PTPRU: variants seen among roughly 807,000 people sequenced by gnomAD.
The protein encoded by PTPRU is protein tyrosine phosphatase receptor type U, also known as receptor-type tyrosine-protein phosphatase U.
A neutral mutation model predicts 166.3 loss-of-function variants in PTPRU; 69 were observed. The observed-to-expected ratio is 0.41, with a 90% CI of 0.34 to 0.51. The LOEUF (loss-of-function observed/expected upper bound fraction) is 0.51. Ranked by LOEUF, PTPRU falls within the 20% of genes least tolerant of loss-of-function variation. The pLI is 0.09. For missense variants in PTPRU, 1,657 were observed against 2,013.7 expected (o/e 0.82, Z 3.39); for synonymous variants, 793 against 814.0 (o/e 0.97, Z 0.44).
At chr1:29,310,468 G>A (rs550950036) in intron 18 of PTPRU, among the ~76,000 whole-genome samples, 2 of 152,086 alleles carry the variant, frequency 1.3e-5, no homozygotes, top group Admixed American at 6.5e-5. Flanking sequence ...ATGGGTGGGG[G>A]GTCCCTCTAG....
At chr1:29,289,831 G>A in intron 14 of PTPRU, 1 of 1,146,318 alleles carries the variant, frequency 8.7e-7, no homozygotes, top group Non-Finnish European at 1.3e-6. Context: ...TGTCCACCCG[G>A]TTCTCTCTGG....
At chr1:29,284,933 A>G in intron 14 of PTPRU, 64 bp downstream of exon 14, 1 of 1,540,862 alleles carries the variant, frequency 6.5e-7, no homozygotes, top group Non-Finnish European at 8.8e-7. Flanking sequence ...GGTGGCACAG[A>G]GGAATAGTGG....
chr1:29,282,671 T>C lies in PTPRU; in HGVS notation c.1869-5T>C, dbSNP rs983268999. The C allele has an allele frequency of 1.2e-6, 2 of 1,611,448 alleles. No individual in the cohort carries two copies. The highest frequency in any genetic ancestry group is 1.1e-5 in the South Asian group (1 of 90,934). On this transcript the variant is annotated splice_region_variant and splice_polypyrimidine_tract_variant and intron_variant, in intron 11 of 29. Transcript: ENST00000373779. ...GATCCCCTGTACGCTCTCCTCCCTG[T>C]CCAGTGTGTACCAGGTGATTGTGGA...
chr1:29,299,415 G>A (rs868529705), intron 15 of PTPRU, among the ~76,000 whole-genome samples: 1 of 152,236 alleles, frequency 6.6e-6, no homozygotes, highest in African/African-American at 2.4e-5. Flanking sequence ...GGAACTCATA[G>A]GCAAGGAGAG....
Position 29,275,660 on chromosome 1 carries a change from C to T in PTPRU, c.1357C>T (p.Leu453=). ...QGVSRYTIKN[L]LPYRNVHVRL... is the part of the protein sequence containing the mutation. The stretch of plus-strand genomic sequence containing the variant: ...TGTCAGCCGCTACACCATCAAGAAC[C>T]TGCTGCCCTATCGGAACGTTCACGT... Residue 453 remains leucine (L), a synonymous_variant, in exon 8 of 30, where the codon CTG becomes TTG. Coordinates refer to ENST00000373779, the MANE Select transcript of PTPRU (RefSeq NM_133178.4). 4.3e-6 allele frequency: 7 copies of T among 1,614,158 alleles called. No homozygotes were observed. Among genetic ancestry groups the T allele is most frequent in the Non-Finnish European group, 5.9e-6 (7 of 1,180,022 alleles).
Position 29,260,902 on chromosome 1 carries a change from A to G in PTPRU, c.1143A>G (p.Ala381=). The G allele has an allele frequency of 1.3e-6, 2 of 1,559,020 alleles. No homozygotes were observed. Among genetic ancestry groups the G allele is most frequent in the Non-Finnish European group, 1.7e-6 (2 of 1,156,586 alleles). ...CCCTCATCAGCCGCACCAAATGCGC[A>G]GGTGGGTGCAGCAGCTACCCCTGGC... ...GPPLISRTKC[A]EPMRAPKGLA... The change falls in exon 7 of 30, where the codon GCA becomes GCG. Residue 381 remains alanine, a splice_region_variant and synonymous_variant. Coordinates refer to ENST00000373779, the MANE Select transcript of PTPRU (RefSeq NM_133178.4). The surrounding 1 kb of genome is among the most constrained non-coding windows in gnomAD (Gnocchi z 8.3).
chr1:29,305,452 C>A (rs767754237), intron 18 of PTPRU, 24 bp downstream of exon 18: 3 of 1,606,748 alleles, frequency 1.9e-6, no homozygotes, highest in Non-Finnish European at 2.6e-6. Flanking sequence ...CCTGTCATTT[C>A]TGCAGACCTG....
At chr1:29,242,020 T>G (rs1013740130) in intron 1 of PTPRU, among the ~76,000 whole-genome samples, 2 of 151,804 alleles carry the variant, frequency 1.3e-5, no homozygotes, top group Non-Finnish European at 2.9e-5. Context: ...GCCTCCCGAA[T>G]AGCTGGGATT....
rs947143213 is a variant in PTPRU, at chr1:29,311,160, T to C, written c.2858-296T>C. Among the ~76,000 whole-genome samples, 1 of 152,168 alleles carries C rather than the reference T, an allele frequency of 6.6e-6. No individual in the cohort carries two copies. The highest frequency in any genetic ancestry group is 2.4e-5 in the African/African-American group (1 of 41,432). On this transcript the variant is annotated intron_variant, in intron 19 of 29. Transcript: ENST00000373779. This position sits in a 1 kb window ranked among gnomAD's most constrained non-coding sequence, Gnocchi z 4.1. ...TTCTGTTTGCATCCCTTTCCACGAC[T>C]GTCCATCTGTCTGTCCCTCCTGGAC... is the stretch of plus-strand genomic sequence containing the variant.
chr1:29,272,630 G>A (rs1169676354), intron 7 of PTPRU, among the ~76,000 whole-genome samples: 3 of 152,094 alleles, frequency 2.0e-5, no homozygotes, highest in African/African-American at 7.2e-5. Context: ...CTAGGGGCTG[G>A]GTGCGGTGGC....
At chr1:29,255,898 T>C (rs2151943704) in intron 2 of PTPRU, among the ~76,000 whole-genome samples, 1 of 152,342 alleles carries the variant, frequency 6.6e-6, no homozygotes, top group East Asian at 1.9e-4. Flanking sequence ...CCTTGCTGTG[T>C]TCCTATTTCA....
chr1:29,284,889 T>C lies in PTPRU; in HGVS notation c.2318+20T>C. On this transcript the variant is annotated intron_variant, in intron 14 of 29. Transcript: ENST00000373779. ...CAAAGGGTGAGTGAGGCCGGTGCCC[T>C]GTCCCACCAGTGGCTTCTACCCCTT... 6.3e-7 allele frequency: 1 copy of C among 1,595,202 alleles called. No homozygotes were observed. Among genetic ancestry groups the C allele is most frequent in the Non-Finnish European group, 8.6e-7 (1 of 1,169,050 alleles).
rs916033137 is a variant in PTPRU, at chr1:29,258,765, A to G, written c.466A>G (p.Asn156Asp). Reference protein sequence around the residue: ...AELAVSTFWPNEYQVLFEALI... With the variant: ...AELAVSTFWPDEYQVLFEALI... ...GCTGGCTGTCAGCACTTTCTGGCCCAATGAATATCAGGTGGGCTGGGTTCA... is the reference window on the plus strand; with the variant it reads ...GCTGGCTGTCAGCACTTTCTGGCCCGATGAATATCAGGTGGGCTGGGTTCA... Residue 156 changes from asparagine (N) to aspartate (D), a missense_variant, in exon 3 of 30, where the codon AAT becomes GAT. By Grantham distance (23) the Asn-to-Asp change is conservative (BLOSUM62 1). This residue lies in a region of PTPRU where 453 missense variants were observed against 496.9 expected (regional missense o/e 0.91). Coordinates refer to ENST00000373779, the MANE Select transcript of PTPRU (RefSeq NM_133178.4). 6.3e-7 allele frequency: 1 copy of G among 1,577,532 alleles called. No individual in the cohort carries two copies. Among genetic ancestry groups the G allele is most frequent in the African/African-American group, 1.3e-5 (1 of 74,088 alleles).
chr1:29,263,519 C>T (rs1457909484), intron 7 of PTPRU, among the ~76,000 whole-genome samples: 2 of 152,048 alleles, frequency 1.3e-5, no homozygotes, highest in African/African-American at 4.8e-5. Context: ...TTCTTATGTA[C>T]CATATATATC....
rs1046479263 is a variant in PTPRU, at chr1:29,307,187, CCTGT to C, written c.2820+1767_2820+1770del. The C allele has an allele frequency of 3.8e-6, 6 of 1,599,504 alleles. No individual in the cohort carries two copies. In the African/African-American group the frequency reaches 6.7e-5, roughly 18 times the overall value. On this transcript the variant is annotated intron_variant, in intron 18 of 29. Coordinates refer to ENST00000373779, the MANE Select transcript of PTPRU (RefSeq NM_133178.4). ...CCCTTCTCCTCCTCCTCCTCTTCCT[CCTGT>C]CTGTCTGACTGGCTGTATCTCAGAC...
chr1:29,277,308 C>T (rs536806889), intron 8 of PTPRU, among the ~76,000 whole-genome samples: 21 of 152,230 alleles, frequency 1.4e-4, no homozygotes, highest in Admixed American at 1.2e-3. Context: ...ATCATGTTGG[C>T]CAGGCTGGTC....
chr1:29,311,401 G>T lies in PTPRU; in HGVS notation c.2858-55G>T. On this transcript the variant is annotated intron_variant, in intron 19 of 29. Transcript: ENST00000373779. The surrounding 1 kb of genome is among the most constrained non-coding windows in gnomAD (Gnocchi z 4.1). ...GGTGCTGGATGGTGCTGGATGTGCT[G>T]ACCTGGGGTGGAGACCTTGTCTCAG... 1 of 1,567,346 alleles carries T rather than the reference G, an allele frequency of 6.4e-7. No homozygotes were observed. Among genetic ancestry groups the T allele is most frequent in the South Asian group, 1.1e-5 (1 of 89,782 alleles).
intron 7 of PTPRU, among the ~76,000 whole-genome samples, chr1:29,274,565 A>G (rs78223459): frequency 0.12 from 18,238 of 152,110 alleles, 2,227 homozygotes; most frequent in East Asian, 0.64. Context: ...CTCTGGCTTT[A>G]TTTAACTATT....
intron 8 of PTPRU, among the ~76,000 whole-genome samples, chr1:29,278,596 C>G (rs540726556): frequency 1.3e-5 from 2 of 152,254 alleles, no homozygotes; most frequent in South Asian, 4.2e-4. Context: ...GAGAAAATAT[C>G]GCCACCCATA....
Sources: allele counts gnomAD v4.1 joint callset (sites outside exome capture counted in the v4.1 genomes callset), GRCh38; gene constraint gnomAD v4.1.1; regional missense constraint gnomAD v4.1.1; non-coding constraint Gnocchi (gnomAD v3.1); transcripts MANE v1.5; gene names NCBI Gene and HGNC (gene_info 2026-07-23, HGNC 2026-07-21).